The following RORA variants were observed in gnomAD, a reference collection of about 807,000 sequenced individuals.
The protein encoded by RORA is RAR related orphan receptor A.
RORA carries 7 observed loss-of-function variants against 69.5 expected under a neutral mutation model. The ratio of observed to expected loss-of-function variants is 0.10; its 90% CI spans 0.06 to 0.19. The LOEUF is 0.19. Among genes scored for constraint, RORA ranks in the 10% least tolerant of loss-of-function variants. The probability of loss-of-function intolerance (pLI) is 1.00; values close to 1 mark genes in which losing one functional copy is unlikely to be tolerated. For synonymous variants in RORA, 261 were observed against 240.8 expected (o/e 1.08, Z -0.78); for missense variants, 457 against 663.0 (o/e 0.69, Z 3.41).
At chr15:61,076,862 G>A (rs1194179951) in intron 1 of RORA, among the ~76,000 whole-genome samples, 2 of 151,622 alleles carry the variant, frequency 1.3e-5, no homozygotes, top group Non-Finnish European at 2.9e-5. Flanking sequence ...ACTGTGAACT[G>A]TTCAGCTAAG....
chr15:61,156,985 A>G (rs1386764457), intron 1 of RORA, among the ~76,000 whole-genome samples: 2 of 152,198 alleles, frequency 1.3e-5, no homozygotes, highest in African/African-American at 2.4e-5. Flanking sequence ...CAGCCAAACA[A>G]TAGTTTGATC....
intron 1 of RORA, among the ~76,000 whole-genome samples, chr15:61,223,190 T>A (rs984315743): frequency 4.0e-5 from 6 of 151,806 alleles, no homozygotes; most frequent in Admixed American, 3.3e-4. Flanking sequence ...GGTGCGCACC[T>A]GTAGTCCCAG....
chr15:60,721,819 G>A (rs970744322), intron 1 of RORA, among the ~76,000 whole-genome samples: 1 of 152,256 alleles, frequency 6.6e-6, no homozygotes, highest in African/African-American at 2.4e-5. Context: ...GATTATTTCT[G>A]CAGAGGGTCA....
chr15:60,912,589 C>A (rs1392470132), intron 1 of RORA, among the ~76,000 whole-genome samples: 2 of 152,002 alleles, frequency 1.3e-5, no homozygotes, highest in Admixed American at 6.6e-5. Flanking sequence ...CCCATCTCTA[C>A]TAAAAATACA....
intron 1 of RORA, among the ~76,000 whole-genome samples, chr15:61,090,246 G>A (rs2078685876): frequency 6.6e-6 from 1 of 152,146 alleles, no homozygotes; most frequent in Non-Finnish European, 1.5e-5. Flanking sequence ...TCAAGACCTT[G>A]TATTTTTTAT....
At chr15:60,943,526 G>A (rs1892764697) in intron 1 of RORA, among the ~76,000 whole-genome samples, 1 of 152,090 alleles carries the variant, frequency 6.6e-6, no homozygotes, top group African/African-American at 2.4e-5. Context: ...GTACTAATGA[G>A]CATAAGACAG....
chr15:60,770,221 T>C (rs1322464568), intron 1 of RORA, among the ~76,000 whole-genome samples: 1 of 152,238 alleles, frequency 6.6e-6, no homozygotes, highest in Non-Finnish European at 1.5e-5. Flanking sequence ...ATTCCTTTTT[T>C]TTTCTTGGAG....
intron 1 of RORA, among the ~76,000 whole-genome samples, chr15:60,978,890 T>C (rs1293834081): frequency 6.6e-6 from 1 of 151,732 alleles, no homozygotes; most frequent in Non-Finnish European, 1.5e-5. Flanking sequence ...ATATCAGCAC[T>C]ACACTGTATT....
At chr15:60,634,653 T>C (rs1167103332) in intron 2 of RORA, among the ~76,000 whole-genome samples, 1 of 152,142 alleles carries the variant, frequency 6.6e-6, no homozygotes, top group Non-Finnish European at 1.5e-5. Flanking sequence ...TCCACCTGCC[T>C]TGGCGTTCCA....
intron 1 of RORA, among the ~76,000 whole-genome samples, chr15:60,734,951 A>C (rs551242705): frequency 1.3e-5 from 2 of 152,218 alleles, no homozygotes; most frequent in African/African-American, 4.8e-5. Flanking sequence ...CTTGACTTGC[A>C]GACAACCATG....
intron 1 of RORA, among the ~76,000 whole-genome samples, chr15:61,204,988 C>T (rs913738004): frequency 2.6e-5 from 4 of 152,186 alleles, no homozygotes; most frequent in African/African-American, 7.2e-5. Context: ...ATGTGCTGGT[C>T]GGCACCATTG....
intron 1 of RORA, among the ~76,000 whole-genome samples, chr15:60,688,864 C>T (rs1031831323): frequency 6.6e-6 from 1 of 152,216 alleles, no homozygotes; most frequent in Non-Finnish European, 1.5e-5. Context: ...AAGCCAATGA[C>T]TATAGGGCAT....
intron 2 of RORA, chr15:60,614,774 T>G (rs1437861113): frequency 2.6e-6 from 2 of 780,302 alleles, no homozygotes; most frequent in African/African-American, 3.5e-5. Context: ...AATAGGATAC[T>G]TAATATTTAT....
intron 1 of RORA, among the ~76,000 whole-genome samples, chr15:60,819,832 C>G (rs1456374511): frequency 6.6e-6 from 1 of 151,184 alleles, no homozygotes; most frequent in South Asian, 2.1e-4. Context: ...TGGCCGGCCC[C>G]TCTGCCCTGT....
intron 2 of RORA, among the ~76,000 whole-genome samples, chr15:60,602,013 A>T (rs1422814609): frequency 6.6e-6 from 1 of 152,206 alleles, no homozygotes; most frequent in Non-Finnish European, 1.5e-5. Flanking sequence ...AATTTGTTGT[A>T]AAGCCTTAAG....
Position 60,494,794 on chromosome 15 carries a change from A to G in RORA, c.*2661T>C, listed in dbSNP as rs138321588. The G allele has an allele frequency of 1.2e-4, 19 of 152,340 alleles. No individual in the cohort carries two copies. The East Asian group carries it at 3.1e-3, about 25-fold the overall frequency. 9.4% of individuals were successfully genotyped at this position (152,340 alleles called of 1,614,324 possible). A position where few individuals can be genotyped will look rare whatever the true frequency, so the allele number is the denominator to read the frequency against. On this transcript the variant is annotated 3_prime_UTR_variant, in exon 11 of 11. Coordinates refer to ENST00000335670, the MANE Select transcript of RORA (RefSeq NM_134261.3). ...CCTATCTTGGTTTACCGTAAAAGCA[A>G]TGTCACCATGGCATGACTATTACTG...
chr15:61,069,707 C>A, intron 1 of RORA, among the ~76,000 whole-genome samples: 1 of 142,772 alleles, frequency 7.0e-6, no homozygotes, highest in Non-Finnish European at 1.5e-5. Flanking sequence ...CAAAAAACAG[C>A]AATTGCTTGA....
intron 1 of RORA, among the ~76,000 whole-genome samples, chr15:60,876,777 C>G (rs144088428): frequency 3.7e-3 from 567 of 152,292 alleles, no homozygotes; most frequent in Middle Eastern, 0.017. Context: ...TATCTGATAT[C>G]ATGAAAACAT....
chr15:60,793,962 C>T (rs1217000590), intron 1 of RORA, among the ~76,000 whole-genome samples: 1 of 152,210 alleles, frequency 6.6e-6, no homozygotes, highest in Non-Finnish European at 1.5e-5. Flanking sequence ...AGACAGTGCA[C>T]TCTAGAACGG....
Sources: gnomAD v4.1 joint callset for allele counts (sites outside exome capture counted in the v4.1 genomes callset) on GRCh38, gnomAD v4.1.1 for gene constraint, MANE v1.5 for transcripts, NCBI Gene and HGNC (gene_info 2026-07-23, HGNC 2026-07-21) for gene names.